Variants in VRK1 observed in about 807,000 individuals in gnomAD.
The protein encoded by VRK1 is serine/threonine-protein kinase VRK1.
A neutral mutation model predicts 57.1 loss-of-function variants in VRK1; 33 were observed. The ratio of observed to expected loss-of-function variants is 0.58; its 90% confidence interval spans 0.44 to 0.77. VRK1 has a LOEUF of 0.77. Among genes scored for constraint, VRK1 ranks in the 30% least tolerant of loss-of-function variants. The pLI, the probability that VRK1 is intolerant of heterozygous loss-of-function variation, is 0.00. For synonymous variants in VRK1, 137 were observed against 147.8 expected, an observed-to-expected ratio of 0.93 and a Z score of 0.53; for missense variants, 413 against 477.3, an observed-to-expected ratio of 0.87 and a Z score of 1.25.
Position 96,855,221 on chromosome 14 carries a change from T to C in VRK1, c.577-3T>C. 1 of 1,614,004 alleles carries C rather than the reference T, an allele frequency of 6.2e-7. No individual in the cohort carries two copies. The highest frequency in any genetic ancestry group is 2.2e-5 in the East Asian group (1 of 44,858). The stretch of plus-strand genomic sequence containing the variant: ...GTTTGTCTTGGTGCTTGGAAATTTA[T>C]AGGTGTACTTGGTAGATTATGGCCT... On this transcript the variant is annotated splice_region_variant and splice_polypyrimidine_tract_variant and intron_variant, in intron 7 of 12. Coordinates refer to ENST00000216639, the MANE Select transcript of VRK1 (RefSeq NM_003384.3).
At chr14:96,852,294 A>G (rs1045781296) in intron 5 of VRK1, among the ~76,000 whole-genome samples, 1 of 152,160 alleles carries the variant, frequency 6.6e-6, no homozygotes, top group African/African-American at 2.4e-5. Context: ...TTTTCCCCAA[A>G]TCTTGGCCAT....
chr14:96,853,059 A>T lies in VRK1; in HGVS notation c.484-15A>T. On this transcript the variant is annotated splice_polypyrimidine_tract_variant and intron_variant, in intron 6 of 12. Transcript: ENST00000216639. ...TAGGTACTGCATTAACTTATTCTGT[A>T]TGATACTTTCATAGCTGGATATTCT... 6.2e-7 allele frequency: 1 copy of T among 1,613,392 alleles called. No homozygotes were observed. Among genetic ancestry groups the T allele is most frequent in the Non-Finnish European group, 8.5e-7 (1 of 1,179,418 alleles).
chr14:96,801,946 A>G (rs1188255698), intron 1 of VRK1, among the ~76,000 whole-genome samples: 1 of 152,172 alleles, frequency 6.6e-6, no homozygotes, highest in Non-Finnish European at 1.5e-5. Context: ...GTGGACCTGC[A>G]CAGTTCACAC....
intron 10 of VRK1, among the ~76,000 whole-genome samples, chr14:96,856,846 T>C (rs1218581175): frequency 6.6e-6 from 1 of 152,108 alleles, no homozygotes; most frequent in Non-Finnish European, 1.5e-5. Flanking sequence ...CGCACGCCTG[T>C]GGTCCCAGCT....
At chr14:96,839,737 A>G (rs1408859960) in intron 3 of VRK1, among the ~76,000 whole-genome samples, 1 of 151,994 alleles carries the variant, frequency 6.6e-6, no homozygotes, top group Admixed American at 6.6e-5. Flanking sequence ...TTATAATTGA[A>G]TAGTAAGAGA....
At chr14:96,847,001 A>T (rs887959411) in intron 4 of VRK1, among the ~76,000 whole-genome samples, 8 of 151,992 alleles carry the variant, frequency 5.3e-5, no homozygotes, top group East Asian at 1.9e-4. Context: ...GTTTTGATTT[A>T]AAAAAAATGC....
chr14:96,833,765 A>G (rs1887106470), intron 2 of VRK1, 134 bp downstream of exon 2: 1 of 1,284,514 alleles, frequency 7.8e-7, no homozygotes, highest in African/African-American at 1.5e-5. Context: ...TGATTAAGCA[A>G]AAATGCATCT....
intron 11 of VRK1, among the ~76,000 whole-genome samples, chr14:96,873,183 G>A (rs1888893941): frequency 6.6e-6 from 1 of 152,056 alleles, no homozygotes; most frequent in Non-Finnish European, 1.5e-5. Context: ...GCTTGACTTG[G>A]GAAGCAAAGA....
chr14:96,831,133 A>G (rs1268966994), intron 1 of VRK1, among the ~76,000 whole-genome samples: 4 of 152,038 alleles, frequency 2.6e-5, no homozygotes, highest in Non-Finnish European at 5.9e-5. Flanking sequence ...TAATTTTTGG[A>G]TCCTAAGATT....
intron 3 of VRK1, among the ~76,000 whole-genome samples, chr14:96,841,435 T>G (rs1887456489): frequency 6.6e-6 from 1 of 152,172 alleles, no homozygotes; most frequent in Non-Finnish European, 1.5e-5. Context: ...TTAGTTCTGT[T>G]TCCATTATCC....
At chr14:96,801,049 C>G (rs1178988337) in intron 1 of VRK1, among the ~76,000 whole-genome samples, 1 of 152,138 alleles carries the variant, frequency 6.6e-6, no homozygotes, top group Non-Finnish European at 1.5e-5. Flanking sequence ...CAGCCTCATT[C>G]CACTGTTCCA....
chr14:96,802,470 A>G (rs1236283737), intron 1 of VRK1, among the ~76,000 whole-genome samples: 1 of 152,214 alleles, frequency 6.6e-6, no homozygotes, highest in African/African-American at 2.4e-5. Flanking sequence ...TTGGAGTTTA[A>G]GGGCATTGTA....
chr14:96,877,154 A>T (rs981632055), intron 12 of VRK1, among the ~76,000 whole-genome samples: 14 of 152,026 alleles, frequency 9.2e-5, no homozygotes, highest in African/African-American at 2.9e-4. Flanking sequence ...TTAAAAAAAA[A>T]TTTTACAGCA....
In VRK1 at chr14:96,855,423, T is replaced by A. The variant is rs565893846; in HGVS notation, c.709+67T>A. 250 of 1,609,782 alleles carry A rather than the reference T, an allele frequency of 1.6e-4. 3 individuals carry two copies. The South Asian group carries it at 2.3e-3, about 15-fold the overall frequency. ...TTTCACCCAGATTCCTACATAGTTC[T>A]TAATTATGCATAAGTAAATGAATAG... On this transcript the variant is annotated intron_variant, in intron 8 of 12. Transcript: ENST00000216639.
At chr14:96,827,617 G>A (rs1238810138) in intron 1 of VRK1, among the ~76,000 whole-genome samples, 1 of 152,054 alleles carries the variant, frequency 6.6e-6, no homozygotes, top group Non-Finnish European at 1.5e-5. Flanking sequence ...CCTTTCTTGG[G>A]CACTCTCCCT....
At chr14:96,837,899 A>G in intron 3 of VRK1, 82 bp downstream of exon 3, 1 of 921,782 alleles carries the variant, frequency 1.1e-6, no homozygotes, top group South Asian at 2.3e-5. Flanking sequence ...GATTAACTAG[A>G]ATTAATTAAA....
chr14:96,837,823 A>C lies in VRK1; in HGVS notation c.216+6A>C, dbSNP rs1188632077. 3 of 1,543,152 alleles carry C rather than the reference A, an allele frequency of 1.9e-6. No individual in the cohort carries two copies. In the African/African-American group the frequency reaches 4.1e-5, roughly 21 times the overall value. On this transcript the variant is annotated splice_donor_region_variant and intron_variant, in intron 3 of 12. Coordinates refer to ENST00000216639, the MANE Select transcript of VRK1 (RefSeq NM_003384.3). ...CACCTTGTGTTGTAAAAGTGGTAAG[A>C]AATATTTTAGCTAATTTGTTTCTTT...
rs4905549 is a variant in VRK1 at position 96,837,542 on chromosome 14, A to G, written c.161-220A>G. Among the ~76,000 whole-genome samples, 47,753 of 152,054 alleles carry G rather than the reference A, an allele frequency of 0.31. 8,354 individuals carry two copies. Among genetic ancestry groups the G allele is most frequent in the South Asian group, 0.43 (2,070 of 4,820 alleles). On this transcript the variant is annotated intron_variant, in intron 2 of 12. Transcript: ENST00000216639. ...TTTCCCATATGTAATTGATAATCAT[A>G]TAGAAGAAACCAGAAATTGTAAGAT...
chr14:96,816,600 T>C (rs1886403876), intron 1 of VRK1, among the ~76,000 whole-genome samples: 1 of 152,218 alleles, frequency 6.6e-6, no homozygotes, highest in African/African-American at 2.4e-5. Flanking sequence ...CAATGAGTAA[T>C]AAGCCTGTCT....
Sources: gnomAD v4.1 joint callset for allele counts (sites outside exome capture counted in the v4.1 genomes callset) on GRCh38, gnomAD v4.1.1 for gene constraint, MANE v1.5 for transcripts, NCBI Gene and HGNC (gene_info 2026-07-23, HGNC 2026-07-21) for gene names.